The following TST variants were observed in gnomAD, a reference collection of about 807,000 sequenced individuals.
TST encodes epididymis secretory sperm binding protein.
TST carries 22 observed loss-of-function variants against 20.4 expected under a neutral mutation model. The observed-to-expected ratio is 1.08, with a 90% confidence interval of 0.77 to 1.54. The LOEUF is 1.54. Ranked by LOEUF, TST falls within the 40% of genes most tolerant of loss-of-function variation. The probability of loss-of-function intolerance (pLI) is 0.00; values close to 1 mark genes in which losing one functional copy is unlikely to be tolerated. For missense variants in TST, 392 were observed against 405.2 expected (o/e 0.97, Z 0.28); for synonymous variants, 187 against 173.8 (o/e 1.08, Z -0.60).
chr22:37,019,800 T>C (rs1000403867), upstream of TST: 2 of 1,097,442 alleles, frequency 1.8e-6, no homozygotes, highest in Non-Finnish European at 2.3e-6. Context: ...AGGGGACAGC[T>C]GCGGGCGCGG....
intron 2 of TST, among the ~76,000 whole-genome samples, chr22:37,015,935 C>CTTTTTTTTTTTTTTT (rs1000783141): frequency 1.4e-5 from 1 of 73,868 alleles, no homozygotes; most frequent in African/African-American, 5.8e-5. Context: ...GCCACTGCTA[C>CTTTTTTTTTTTTTTT]TTTTTTTTTT....
chr22:37,018,174 G>A lies in TST; in HGVS notation c.559C>T (p.Arg187Trp), dbSNP rs549953112. The A allele has an allele frequency of 2.1e-5, 33 of 1,587,958 alleles. No homozygotes were observed. Among genetic ancestry groups the A allele is most frequent in the Non-Finnish European group, 1.7e-5 (20 of 1,164,988 alleles). Residue 187 changes from arginine to tryptophan, a missense_variant, in exon 2 of 3, where the codon CGG becomes TGG. Arg to Trp is a moderately radical substitution (Grantham distance 101). Coordinates refer to ENST00000249042, the MANE Select transcript of TST (RefSeq NM_003312.6). ...FQLVDSRSQGRFLGTEPEPDA... is the reference protein window; with the variant it reads ...FQLVDSRSQGWFLGTEPEPDA... ...GGCTCCGGCTCGGTGCCCAGGAACC[G>A]CCCTTGAGACCTTGAATCCACCAGC...
chr22:37,015,935 C>CTTTTTTTTTTTT (rs1000783141), intron 2 of TST, among the ~76,000 whole-genome samples: 2 of 73,868 alleles, frequency 2.7e-5, no homozygotes, highest in African/African-American at 5.8e-5. Flanking sequence ...GCCACTGCTA[C>CTTTTTTTTTTTT]TTTTTTTTTT....
intron 2 of TST, among the ~76,000 whole-genome samples, chr22:37,013,030 G>A (rs1393631411): frequency 2.0e-5 from 3 of 151,226 alleles, no homozygotes; most frequent in Non-Finnish European, 4.4e-5. Flanking sequence ...CAGCAAGAGC[G>A]AGACTCCGTC....
chr22:37,017,132 C>T (rs532029338), intron 2 of TST, among the ~76,000 whole-genome samples: 10 of 152,314 alleles, frequency 6.6e-5, no homozygotes, highest in Admixed American at 2.0e-4. Flanking sequence ...TGGAAATGGC[C>T]AGGCAGGGAC....
rs770580748 is a variant in TST at position 37,018,586 on chromosome 22, G to C, written c.147C>G (p.Leu49=). ...PGTREARKEY[L]ERHVPGASFF... is the part of the protein sequence containing the mutation. ...AAGAGGCGCCGGGTACGTGGCGCTCGAGGTACTCCTTGCGGGCCTCTCGGG... is the reference window on the plus strand; with the variant it reads ...AAGAGGCGCCGGGTACGTGGCGCTCCAGGTACTCCTTGCGGGCCTCTCGGG... Residue 49 remains leucine (L), a synonymous_variant, in exon 2 of 3, where the codon CTC becomes CTG. Coordinates refer to ENST00000249042, the MANE Select transcript of TST (RefSeq NM_003312.6). 6.4e-7 allele frequency: 1 copy of C among 1,563,484 alleles called. No individual in the cohort carries two copies. The highest frequency in any genetic ancestry group is 1.2e-5 in the South Asian group (1 of 85,768).
chr22:37,016,667 G>A (rs1304322273), intron 2 of TST, among the ~76,000 whole-genome samples: 1 of 152,118 alleles, frequency 6.6e-6, no homozygotes, highest in Admixed American at 6.6e-5. Flanking sequence ...AAATCCCAAG[G>A]AGAAGAGGCG....
chr22:37,018,062 G>T, intron 2 of TST, 76 bp downstream of exon 2: 1 of 1,163,554 alleles, frequency 8.6e-7, no homozygotes, highest in Non-Finnish European at 1.2e-6. Flanking sequence ...CCCTGGAGAG[G>T]GTCCCAGTCA....
chr22:37,011,331 C>G lies in TST; in HGVS notation c.596-6G>C, dbSNP rs895005604. The G allele has an allele frequency of 6.2e-7, 1 of 1,608,398 alleles. No homozygotes were observed. Among genetic ancestry groups the G allele is most frequent in the South Asian group, 1.1e-5 (1 of 90,748 alleles). On this transcript the variant is annotated splice_region_variant and splice_polypyrimidine_tract_variant and intron_variant, in intron 2 of 2. Transcript: ENST00000249042. ...GATATGGCCCGAGTCCAGTCCTGGGCAGGGCAGAGGACACAGCTTAGGGGA... is the reference window on the plus strand; with the variant it reads ...GATATGGCCCGAGTCCAGTCCTGGGGAGGGCAGAGGACACAGCTTAGGGGA...
rs761000559 is a variant in TST, at chr22:37,018,115, C to A, written c.595+23G>T. ...TCCATGGGGCAATACTCCCCAGGGA[C>A]CACCCAGCACTGGGACACCTACCTA... On this transcript the variant is annotated intron_variant, in intron 2 of 2. Coordinates refer to ENST00000249042, the MANE Select transcript of TST (RefSeq NM_003312.6). 5 of 1,506,234 alleles carry A rather than the reference C, an allele frequency of 3.3e-6. No individual in the cohort carries two copies. In the East Asian group the frequency reaches 1.2e-4, roughly 35 times the overall value. 93.3% of individuals were successfully genotyped at this position (1,506,234 alleles called of 1,614,324 possible).
rs1250007704 is a variant in TST, at chr22:37,010,870, AAAGGC to A, written c.*152_*156del. On this transcript the variant is annotated 3_prime_UTR_variant, in exon 3 of 3. Coordinates refer to ENST00000249042, the MANE Select transcript of TST (RefSeq NM_003312.6). ...GAGGCAGGCAAACACACTACTCAGAAAAGGCAAAGTTTATTCCAGTGTTGACAGAG... is the reference window on the plus strand; with the variant it reads ...GAGGCAGGCAAACACACTACTCAGAAAAAGTTTATTCCAGTGTTGACAGAG... 43 of 1,134,128 alleles carry A rather than the reference AAAGGC, an allele frequency of 3.8e-5. 1 individual carries two copies. The East Asian group carries it at 1.1e-3, about 28-fold the overall frequency. 70.3% of individuals were successfully genotyped at this position (1,134,128 alleles called of 1,614,324 possible).
At chr22:37,020,171 C>G, upstream of TST, 1 of 356,372 alleles carries the variant, frequency 2.8e-6, no homozygotes. Context: ...CCCAGAGGCC[C>G]CAGGAAGAGA....
In TST at chr22:37,018,433, A is replaced by G. The variant is rs768684836; in HGVS notation, c.300T>C (p.Asp100=). 2 of 1,613,504 alleles carry G rather than the reference A, an allele frequency of 1.2e-6. No individual in the cohort carries two copies. The highest frequency in any genetic ancestry group is 2.2e-5 in the South Asian group (2 of 91,064). ...CATAGAAGCTGCCCAGGTGTTCACC[A>G]TCATACACCACCACGTGCGTGTGGT... ...ISNHTHVVVY[D]GEHLGSFYAP... The change falls in exon 2 of 3, where the codon GAT becomes GAC. Residue 100 remains aspartate, a synonymous_variant. Coordinates refer to ENST00000249042, the MANE Select transcript of TST (RefSeq NM_003312.6).
intron 2 of TST, among the ~76,000 whole-genome samples, chr22:37,012,990 C>T (rs895407622): frequency 1.3e-5 from 2 of 151,856 alleles, no homozygotes; most frequent in Admixed American, 6.6e-5. Flanking sequence ...TGCAGTGAGC[C>T]GAGATCACCC....
chr22:37,014,388 C>A (rs130606), intron 2 of TST, among the ~76,000 whole-genome samples: 78,776 of 151,872 alleles, frequency 0.52, 20,814 homozygotes, highest in African/African-American at 0.62. Flanking sequence ...AACAAACAAA[C>A]AAAAAGAACA....
At position 37,018,672 on chromosome 22, in the gene TST, T is replaced by C. The variant is rs1196642212; in HGVS notation, c.61A>G (p.Arg21Gly). 6.5e-7 allele frequency: 1 copy of C among 1,542,876 alleles called. No individual in the cohort carries two copies. The highest frequency in any genetic ancestry group is 2.3e-5 in the East Asian group (1 of 42,956). The change falls in exon 2 of 3, where the codon AGG becomes GGG. Residue 21 changes from arginine (R) to glycine (G), a missense_variant. By Grantham distance (125) the Arg-to-Gly change is moderately radical (BLOSUM62 -2). Coordinates refer to ENST00000249042, the MANE Select transcript of TST (RefSeq NM_003312.6). ...AGGCCGGGCCCCAGCTTGCCAGTCC[T>C]GATGGACTCCGCCAGCCACTTGGTG... ...VSTKWLAESI[R>G]TGKLGPGLRV...
In TST at chr22:37,010,950, C is replaced by T. The variant is rs1233563076; in HGVS notation, c.*77G>A. On this transcript the variant is annotated 3_prime_UTR_variant, in exon 3 of 3. Coordinates refer to ENST00000249042, the MANE Select transcript of TST (RefSeq NM_003312.6). ...TCTAAAAACATGTCATCTCCTTCAC[C>T]TAAGAGGTAAGAACCGGCTGTAAGT... 6.5e-7 allele frequency: 1 copy of T among 1,530,524 alleles called. No individual in the cohort carries two copies. Among genetic ancestry groups the T allele is most frequent in the Admixed American group, 1.9e-5 (1 of 52,314 alleles). The allele number at this position is 1,530,524 out of a possible 1,614,324, so 94.8% of individuals were successfully genotyped here. A position where few individuals can be genotyped will look rare whatever the true frequency, so the allele number is the denominator to read the frequency against.
downstream of TST, chr22:37,010,861 C>G: frequency 1.0e-6 from 1 of 954,504 alleles, no homozygotes. Flanking sequence ...GGCAAACACA[C>G]TACTCAGAAA....
chr22:37,019,740 C>T (rs1922902644), upstream of TST: 1 of 495,522 alleles, frequency 2.0e-6, no homozygotes, highest in Non-Finnish European at 3.1e-6. Flanking sequence ...CGGCGGTGGG[C>T]TGTGCCGGAG....
Sources: allele counts gnomAD v4.1 joint callset (sites outside exome capture counted in the v4.1 genomes callset), GRCh38; gene constraint gnomAD v4.1.1; transcripts MANE v1.5; gene names NCBI Gene and HGNC (gene_info 2026-07-23, HGNC 2026-07-21).